The following EXD3 variants were observed in gnomAD, a reference collection of about 807,000 sequenced individuals.
EXD3 encodes exonuclease mut-7 homolog.
Under a neutral mutation model 98.0 loss-of-function variants are expected in EXD3, and 92 were observed. That is an observed-to-expected ratio of 0.94 (90% confidence interval 0.79 to 1.12). The LOEUF is 1.12. EXD3 is among the 50% of genes most tolerant of loss of function. The pLI, the probability that EXD3 is intolerant of heterozygous loss-of-function variation, is 0.00. For synonymous variants in EXD3, 569 were observed against 526.0 expected (o/e 1.08, Z -1.12); for missense variants, 1,222 against 1,191.6 (o/e 1.03, Z -0.38).
rs757840309 is a variant in EXD3, at chr9:137,373,595, C to T, written c.125G>A (p.Arg42Gln). Residue 42 changes from arginine (R) to glutamine (Q), a missense_variant, in exon 4 of 22, where the codon CGG becomes CAG. Coordinates refer to ENST00000340951, the MANE Select transcript of EXD3 (RefSeq NM_017820.5). The stretch of plus-strand genomic sequence containing the variant: ...AGCAAACCCCCGCCAGGCTTCCTCC[C>T]GGAGCTGTGGAGACACAAAACCACA... Reference protein sequence around the residue: ...LWSTRERKQLREEAWRGFAAL... With the variant: ...LWSTRERKQLQEEAWRGFAAL... 8.8e-6 allele frequency: 14 copies of T among 1,598,502 alleles called. No homozygotes were observed. Among genetic ancestry groups the T allele is most frequent in the East Asian group, 6.8e-5 (3 of 44,174 alleles).
chr9:137,354,158 C>A (rs11507674), intron 10 of EXD3, 181 bp downstream of exon 10: 2 of 1,432,780 alleles, frequency 1.4e-6, no homozygotes, highest in Non-Finnish European at 1.8e-6. Context: ...CCGCTCAGGC[C>A]TCCCGGGCCT....
chr9:137,420,492 T>TG (rs1238733739), intron 1 of EXD3, among the ~76,000 whole-genome samples: 1 of 152,192 alleles, frequency 6.6e-6, no homozygotes, highest in African/African-American at 2.4e-5. Flanking sequence ...AGGACACAAT[T>TG]GGAGACCCTG....
At chr9:137,355,981 T>C (rs1217886251) in intron 8 of EXD3, among the ~76,000 whole-genome samples, 1 of 152,114 alleles carries the variant, frequency 6.6e-6, no homozygotes, top group Admixed American at 6.6e-5. Context: ...GACTCAGCAC[T>C]CACCCTCAGC....
At chr9:137,353,090 C>G (rs1834395458) in intron 10 of EXD3, 1 of 1,229,374 alleles carries the variant, frequency 8.1e-7, no homozygotes. Flanking sequence ...CCAGCTGGCC[C>G]CTCCTGGCCT....
chr9:137,309,713 G>T lies in EXD3; in HGVS notation c.2185-13C>A. The T allele has an allele frequency of 6.5e-7, 1 of 1,549,086 alleles. No homozygotes were observed. The highest frequency in any genetic ancestry group is 8.7e-7 in the Non-Finnish European group (1 of 1,145,972). ...CACAGTTACAGGCCTGGGGGCCAGA[G>T]GGGGTGCTGAGGCCCAGGCGGGGCT... is the stretch of plus-strand genomic sequence containing the variant. On this transcript the variant is annotated splice_polypyrimidine_tract_variant and intron_variant, in intron 19 of 21. Coordinates refer to ENST00000340951, the MANE Select transcript of EXD3 (RefSeq NM_017820.5).
In EXD3 at chr9:137,317,025, G is replaced by A. The variant is rs181830933; in HGVS notation, c.2184+6700C>T. Among the ~76,000 whole-genome samples the A allele has an allele frequency of 2.3e-3, 352 of 152,274 alleles. 1 individual carries two copies. The highest frequency in any genetic ancestry group is 6.8e-3 in the Middle Eastern group (2 of 294). On this transcript the variant is annotated intron_variant, in intron 19 of 21. Transcript: ENST00000340951. The stretch of plus-strand genomic sequence containing the variant: ...GTCATGAGGCATAGGGGTGCAGGGG[G>A]CAGCTCTCCTGCTCAGCCTGACAGG...
At chr9:137,346,963 C>T (rs934093558) in intron 17 of EXD3, among the ~76,000 whole-genome samples, 1 of 152,038 alleles carries the variant, frequency 6.6e-6, no homozygotes, top group Non-Finnish European at 1.5e-5. Context: ...TTACAGGCGC[C>T]CGCCACCACG....
rs990934396 is a variant in EXD3, at chr9:137,407,392, G to A, written c.-47-11988C>T. On this transcript the variant is annotated intron_variant, in intron 1 of 21. Transcript: ENST00000340951. The surrounding 1 kb of genome is among the most constrained non-coding windows in gnomAD (Gnocchi z 4.4). ...CCCCCGCGAAGCCCACCCACCTGAGGTCCTGGCCCCCAAGGGGCCATCTGC... is the reference window on the plus strand; with the variant it reads ...CCCCCGCGAAGCCCACCCACCTGAGATCCTGGCCCCCAAGGGGCCATCTGC... Among the ~76,000 whole-genome samples, 4 of 152,222 alleles carry A rather than the reference G, an allele frequency of 2.6e-5. No homozygotes were observed. The highest frequency in any genetic ancestry group is 5.9e-5 in the Non-Finnish European group (4 of 68,034).
chr9:137,413,802 T>C (rs1339077078), intron 1 of EXD3, among the ~76,000 whole-genome samples: 1 of 151,984 alleles, frequency 6.6e-6, no homozygotes, highest in Non-Finnish European at 1.5e-5. Context: ...CATGTGCCCA[T>C]CAACAATTAC....
intron 11 of EXD3, 51 bp downstream of exon 11, chr9:137,352,569 C>A: frequency 1.4e-6 from 2 of 1,468,168 alleles, no homozygotes; most frequent in Non-Finnish European, 1.8e-6. Context: ...AGGGTAGGGG[C>A]CACCCTGGGC....
chr9:137,348,231 A>C lies in EXD3; in HGVS notation c.1838T>G (p.Val613Gly). The change falls in exon 17 of 22, where the codon GTG becomes GGG. Residue 613 changes from valine to glycine, a missense_variant. Physicochemically the swap from Val to Gly is moderately radical, Grantham distance 109. Transcript: ENST00000340951. ...SAPAAPRQVPVAVAVSEGAAP... is the reference protein window; with the variant it reads ...SAPAAPRQVPGAVAVSEGAAP... ...AGCGCCCTCAGACACAGCCACAGCC[A>C]CAGGGACCTGCAGTGAGGCCCTGGT... is the stretch of plus-strand genomic sequence containing the variant. The C allele has an allele frequency of 6.2e-7, 1 of 1,611,220 alleles. No individual in the cohort carries two copies. Among genetic ancestry groups the C allele is most frequent in the Non-Finnish European group, 8.5e-7 (1 of 1,179,438 alleles).
intron 5 of EXD3, among the ~76,000 whole-genome samples, chr9:137,368,472 C>T (rs995073708): frequency 9.9e-5 from 15 of 152,200 alleles, no homozygotes; most frequent in African/African-American, 3.6e-4. Context: ...TAGCCCTTCC[C>T]ACGAGGCGGA....
chr9:137,344,786 G>C (rs1324861666), intron 17 of EXD3, among the ~76,000 whole-genome samples: 1 of 149,730 alleles, frequency 6.7e-6, no homozygotes, highest in Non-Finnish European at 1.5e-5. Flanking sequence ...CCACTGTCTG[G>C]AGATCTCCTC....
chr9:137,327,172 C>T (rs1479979910), intron 17 of EXD3, among the ~76,000 whole-genome samples: 6 of 147,712 alleles, frequency 4.1e-5, no homozygotes, highest in Non-Finnish European at 7.4e-5. Context: ...CTTGCTCTGT[C>T]GCCCAGGCTG....
At chr9:137,418,857 C>T (rs970286885) in intron 1 of EXD3, among the ~76,000 whole-genome samples, 1 of 151,898 alleles carries the variant, frequency 6.6e-6, no homozygotes, top group South Asian at 2.1e-4. Context: ...AACTAAGTCT[C>T]CTCTCTGTCA....
chr9:137,355,843 C>T (rs76704467), intron 8 of EXD3, among the ~76,000 whole-genome samples: 20 of 152,276 alleles, frequency 1.3e-4, no homozygotes, highest in Admixed American at 4.6e-4. Flanking sequence ...TGCATCTTCC[C>T]GGCCCTTGCA....
At chr9:137,341,374 G>A (rs181912302) in intron 17 of EXD3, among the ~76,000 whole-genome samples, 2 of 152,342 alleles carry the variant, frequency 1.3e-5, no homozygotes, top group East Asian at 3.9e-4. Context: ...TCATCCTGAG[G>A]TGATTCAGTG....
intron 1 of EXD3, among the ~76,000 whole-genome samples, chr9:137,412,155 G>A (rs1041067044): frequency 2.0e-5 from 3 of 152,210 alleles, no homozygotes; most frequent in Admixed American, 6.5e-5. Context: ...GCTGGAGGCC[G>A]GCCTGAGACC....
At chr9:137,391,365 C>T (rs906598920) in intron 2 of EXD3, among the ~76,000 whole-genome samples, 32 of 152,198 alleles carry the variant, frequency 2.1e-4, no homozygotes, top group Non-Finnish European at 4.3e-4. Context: ...AGGCTGGCCA[C>T]GTCCCCAGCC....
Sources: gnomAD v4.1 joint callset for allele counts (sites outside exome capture counted in the v4.1 genomes callset) on GRCh38, gnomAD v4.1.1 for gene constraint, Gnocchi (gnomAD v3.1) non-coding constraint, MANE v1.5 for transcripts, NCBI Gene and HGNC (gene_info 2026-07-23, HGNC 2026-07-21) for gene names.